GSG1L: variants seen among roughly 807,000 people sequenced by gnomAD.
GSG1L encodes the protein GSG1 like.
GSG1L carries 24 observed loss-of-function variants against 42.1 expected under a neutral mutation model. The ratio of observed to expected loss-of-function variants is 0.57; its 90% CI spans 0.41 to 0.80. GSG1L has a LOEUF of 0.80. Ranked by LOEUF, GSG1L falls within the 30% of genes least tolerant of loss-of-function variation. The pLI, the probability that GSG1L is intolerant of heterozygous loss-of-function variation, is 0.00. For missense variants in GSG1L, 445 were observed against 472.2 expected (o/e 0.94, Z 0.53); for synonymous variants, 215 against 203.5 (o/e 1.06, Z -0.48).
At chr16:27,807,999 A>G (rs1448213716) in intron 5 of GSG1L, among the ~76,000 whole-genome samples, 1 of 152,260 alleles carries the variant, frequency 6.6e-6, no homozygotes, top group Non-Finnish European at 1.5e-5. Context: ...TAATGAATAT[A>G]GGGAATTAAC....
chr16:27,867,785 T>TCCTGAGGCCACGCC (rs2083748735), intron 3 of GSG1L, among the ~76,000 whole-genome samples: 1 of 147,316 alleles, frequency 6.8e-6, no homozygotes, highest in African/African-American at 2.5e-5. Flanking sequence ...CTCGGCTTCC[T>TCCTGAGGCCACGCC]CCTGAGGCCA....
chr16:28,001,801 G>A (rs1190608899), intron 1 of GSG1L, among the ~76,000 whole-genome samples: 2 of 152,322 alleles, frequency 1.3e-5, no homozygotes, highest in South Asian at 2.1e-4. Context: ...GTTGGCCCAG[G>A]CAGAACTGAG....
chr16:27,958,411 T>TA (rs767157230), intron 2 of GSG1L, among the ~76,000 whole-genome samples: 28,390 of 116,482 alleles, frequency 0.24, 3,789 homozygotes, highest in East Asian at 0.42. Context: ...AGACTCCATC[T>TA]AAAAAAAAAA....
intron 2 of GSG1L, among the ~76,000 whole-genome samples, chr16:27,910,211 C>G (rs184827760): frequency 1.3e-5 from 2 of 151,974 alleles, no homozygotes; most frequent in Admixed American, 6.5e-5. Flanking sequence ...AATCTGCCCC[C>G]CTTGGCCTCC....
At chr16:27,903,845 C>T (rs2084290316) in intron 2 of GSG1L, among the ~76,000 whole-genome samples, 1 of 152,044 alleles carries the variant, frequency 6.6e-6, no homozygotes, top group Non-Finnish European at 1.5e-5. Context: ...GAGTGTGAGC[C>T]CCAGCTGACT....
At chr16:27,922,488 C>T (rs2084536611) in intron 2 of GSG1L, among the ~76,000 whole-genome samples, 1 of 152,202 alleles carries the variant, frequency 6.6e-6, no homozygotes. Context: ...ATCGATAGTA[C>T]CGATCACCTC....
chr16:27,862,796 TAC>T (rs1262733654), intron 3 of GSG1L, among the ~76,000 whole-genome samples: 1 of 152,174 alleles, frequency 6.6e-6, no homozygotes, highest in Non-Finnish European at 1.5e-5. Context: ...GCTCCCCATA[TAC>T]ACAGACACAC....
rs1567505813 is a variant in GSG1L, at chr16:27,888,474, C to CT, written c.398-3837dup. Among the ~76,000 whole-genome samples the CT allele has an allele frequency of 6.1e-4, 26 of 42,284 alleles. 2 individuals carry two copies. The highest frequency in any genetic ancestry group is 2.4e-3 in the Admixed American group (6 of 2,544). 27.7% of individuals were successfully genotyped at this position (42,284 alleles called of 152,430 possible). A position where few individuals can be genotyped will look rare whatever the true frequency, so the allele number is the denominator to read the frequency against. ...TTTCTTTCTTTCTTTCTCTCTCTCT[C>CT]TCTCTTTCCTTTCTTTCTTTCTTTC... On this transcript the variant is annotated intron_variant, in intron 2 of 6. Coordinates refer to ENST00000447459, the MANE Select transcript of GSG1L (RefSeq NM_001109763.2).
At position 27,881,536 on chromosome 16, in the gene GSG1L, G is replaced by A. The variant is rs117637855; in HGVS notation, c.550+2950C>T. On this transcript the variant is annotated intron_variant, in intron 3 of 6. Transcript: ENST00000447459. ...ATTACAGGCATGAGCAACCGCACCC[G>A]GCCAAGTATCATACTTTTGAAGGAG... is the stretch of plus-strand genomic sequence containing the variant. Among the ~76,000 whole-genome samples, 623 of 152,102 alleles carry A rather than the reference G, an allele frequency of 4.1e-3. 6 individuals carry two copies. The highest frequency in any genetic ancestry group is 0.014 in the Middle Eastern group (4 of 294).
intron 1 of GSG1L, among the ~76,000 whole-genome samples, chr16:27,975,121 G>T (rs566417750): frequency 6.6e-6 from 1 of 152,286 alleles, no homozygotes; most frequent in South Asian, 2.1e-4. Context: ...AGAGGATGCT[G>T]ATGCTGCCGG....
rs115249890 is a variant in GSG1L, at chr16:27,822,828, C to T, written c.830+5961G>A. 6.9e-3 allele frequency among the ~76,000 whole-genome samples: 1,051 copies of T among 152,138 alleles called. 6 individuals are homozygous for T. The highest frequency in any genetic ancestry group is 0.023 in the African/African-American group (967 of 41,502). On this transcript the variant is annotated intron_variant, in intron 5 of 6. Transcript: ENST00000447459. ...CTCCCTGCTCTCGTGGAGTGTGCAC[C>T]GAAATGGGCCAGACATAAACACGAA... is the stretch of plus-strand genomic sequence containing the variant.
chr16:27,924,324 T>C (rs2084566375), intron 2 of GSG1L, among the ~76,000 whole-genome samples: 1 of 130,660 alleles, frequency 7.7e-6, no homozygotes, highest in African/African-American at 2.9e-5. Flanking sequence ...TACGTGTATG[T>C]ATGTGTGTGT....
intron 1 of GSG1L, among the ~76,000 whole-genome samples, chr16:28,057,377 G>C (rs1262785222): frequency 6.6e-6 from 1 of 152,152 alleles, no homozygotes; most frequent in Non-Finnish European, 1.5e-5. Context: ...TTGGAGGCCT[G>C]AGCTCCTAGA....
chr16:27,832,216 G>T (rs1041318659), intron 4 of GSG1L, among the ~76,000 whole-genome samples: 1 of 152,096 alleles, frequency 6.6e-6, no homozygotes, highest in Non-Finnish European at 1.5e-5. Context: ...AAATGATATA[G>T]AGAGAGAACC....
intron 3 of GSG1L, among the ~76,000 whole-genome samples, chr16:27,845,965 C>A (rs940885230): frequency 6.6e-6 from 1 of 151,612 alleles, no homozygotes; most frequent in African/African-American, 2.4e-5. Flanking sequence ...TGCAGTGGCT[C>A]CATCTGGGCT....
intron 2 of GSG1L, among the ~76,000 whole-genome samples, chr16:27,899,713 T>A (rs920330832): frequency 3.9e-5 from 6 of 151,910 alleles, no homozygotes; most frequent in Non-Finnish European, 8.8e-5. Flanking sequence ...GGACACCCTG[T>A]CTCAAAAACA....
At chr16:27,837,244 T>C (rs150921953) in intron 4 of GSG1L, among the ~76,000 whole-genome samples, 2 of 152,150 alleles carry the variant, frequency 1.3e-5, no homozygotes, top group Non-Finnish European at 2.9e-5. Context: ...AACCAGCACA[T>C]CTCATGAGAA....
intron 2 of GSG1L, among the ~76,000 whole-genome samples, chr16:27,939,776 G>A (rs1245747292): frequency 2.6e-5 from 4 of 152,186 alleles, no homozygotes; most frequent in Non-Finnish European, 5.9e-5. Context: ...GAGACTTCAT[G>A]CATCACCAAA....
chr16:28,008,307 T>C (rs1050400800), intron 1 of GSG1L, among the ~76,000 whole-genome samples: 23 of 152,224 alleles, frequency 1.5e-4, no homozygotes, highest in Admixed American at 7.2e-4. Flanking sequence ...CTCGAATTCC[T>C]GACCTCAGGT....
Sources: allele counts gnomAD v4.1 joint callset (sites outside exome capture counted in the v4.1 genomes callset), GRCh38; gene constraint gnomAD v4.1.1; transcripts MANE v1.5; gene names NCBI Gene and HGNC (gene_info 2026-07-23, HGNC 2026-07-21).